DGKI: variants seen among roughly 807,000 people sequenced by gnomAD.
DGKI encodes DAG kinase iota.
A neutral mutation model predicts 147.5 loss-of-function variants in DGKI; 55 were observed. The ratio of observed to expected loss-of-function variants is 0.37; its 90% CI spans 0.30 to 0.47. The LOEUF is 0.47. Ranked by LOEUF, DGKI falls within the 20% of genes least tolerant of loss-of-function variation. The pLI is 1.00. For synonymous variants in DGKI, 469 were observed against 477.1 expected (o/e 0.98, Z 0.22); for missense variants, 1,007 against 1,323.8 (o/e 0.76, Z 3.71).
At chr7:137,845,133 C>T (rs1344480015) in intron 1 of DGKI, among the ~76,000 whole-genome samples, 2 of 152,214 alleles carry the variant, frequency 1.3e-5, no homozygotes, top group South Asian at 2.1e-4. Context: ...ACTCCCTCAG[C>T]GCACAGCGAA....
chr7:137,550,750 A>G (rs1258641449), intron 20 of DGKI, among the ~76,000 whole-genome samples: 1 of 152,216 alleles, frequency 6.6e-6, no homozygotes, highest in East Asian at 1.9e-4. Context: ...CAGCAGGTCT[A>G]AGACTGTGAG....
intron 32 of DGKI, among the ~76,000 whole-genome samples, chr7:137,391,857 T>A (rs1811377673): frequency 6.6e-6 from 1 of 152,238 alleles, no homozygotes; most frequent in Non-Finnish European, 1.5e-5. Flanking sequence ...TTTATTGGTT[T>A]CAGACTTGGG....
chr7:137,395,515 T>C, intron 32 of DGKI, 83 bp downstream of exon 32: 4 of 1,294,128 alleles, frequency 3.1e-6, no homozygotes, highest in Non-Finnish European at 4.5e-6. Flanking sequence ...AGAAAGGATG[T>C]CCGTGCTATG....
At chr7:137,724,835 T>C (rs750244245) in intron 1 of DGKI, among the ~76,000 whole-genome samples, 1 of 152,038 alleles carries the variant, frequency 6.6e-6, no homozygotes, top group Non-Finnish European at 1.5e-5. Context: ...ATATAAATGG[T>C]ATATAAAGTT....
In DGKI at chr7:137,484,887, A is replaced by G. The variant is rs112590296; in HGVS notation, c.2373+487T>C. On this transcript the variant is annotated intron_variant, in intron 23 of 32. Transcript: ENST00000614521. ...AATTCTCTTTTTCAGGAGATGATGG[A>G]AAAAAACATAGTCCTGGTTGCTAAT... is the stretch of plus-strand genomic sequence containing the variant. Among the ~76,000 whole-genome samples the G allele has an allele frequency of 2.0e-5, 3 of 152,120 alleles. No homozygotes were observed. The East Asian group carries it at 5.8e-4, about 29-fold the overall frequency.
intron 1 of DGKI, among the ~76,000 whole-genome samples, chr7:137,736,831 A>G (rs1411265771): frequency 1.3e-5 from 2 of 152,108 alleles, no homozygotes; most frequent in African/African-American, 2.4e-5. Context: ...TTAGATACAG[A>G]ACCATGATTA....
At chr7:137,650,931 A>G (rs1169317385) in intron 5 of DGKI, among the ~76,000 whole-genome samples, 3 of 152,194 alleles carry the variant, frequency 2.0e-5, no homozygotes, top group Non-Finnish European at 4.4e-5. Flanking sequence ...GGTGGGGAAT[A>G]TCTTGGTATA....
At chr7:137,687,169 C>T (rs1823446583) in intron 2 of DGKI, among the ~76,000 whole-genome samples, 1 of 152,284 alleles carries the variant, frequency 6.6e-6, no homozygotes, top group South Asian at 2.1e-4. Flanking sequence ...TGGACCCCAT[C>T]TGCCACTGTG....
chr7:137,638,624 ATATATGTGTG>A (rs1563125961), intron 6 of DGKI, among the ~76,000 whole-genome samples: 1 of 2,306 alleles, frequency 4.3e-4, no homozygotes, highest in Non-Finnish European at 1.5e-3. Flanking sequence ...ACACACACAT[ATATATGTGTG>A]TATATATGTG....
At chr7:137,643,602 A>C (rs1207023513) in intron 6 of DGKI, among the ~76,000 whole-genome samples, 1 of 152,194 alleles carries the variant, frequency 6.6e-6, no homozygotes, top group Non-Finnish European at 1.5e-5. Context: ...TGATGTGACA[A>C]GCTGGATCAC....
At chr7:137,542,180 G>A (rs1196775389) in intron 20 of DGKI, among the ~76,000 whole-genome samples, 1 of 152,178 alleles carries the variant, frequency 6.6e-6, no homozygotes. Flanking sequence ...ATGCAAAATG[G>A]TGCGACCATT....
At chr7:137,430,753 T>A (rs1813038392) in intron 28 of DGKI, among the ~76,000 whole-genome samples, 1 of 152,050 alleles carries the variant, frequency 6.6e-6, no homozygotes, top group Non-Finnish European at 1.5e-5. Context: ...TACAGATTTC[T>A]ATAGAGAACA....
chr7:137,825,171 T>C (rs1798019154), intron 1 of DGKI, among the ~76,000 whole-genome samples: 1 of 152,230 alleles, frequency 6.6e-6, no homozygotes, highest in South Asian at 2.1e-4. Flanking sequence ...AGCTATGCCT[T>C]AAGTCTTGCT....
intron 1 of DGKI, among the ~76,000 whole-genome samples, chr7:137,815,662 G>A (rs1393529418): frequency 6.6e-6 from 1 of 152,176 alleles, no homozygotes; most frequent in Non-Finnish European, 1.5e-5. Flanking sequence ...TAGGCCTGTG[G>A]AAGTTTACGG....
intron 8 of DGKI, among the ~76,000 whole-genome samples, chr7:137,615,531 ATGTGTGTGTGTG>A (rs5887846): frequency 1.4e-4 from 19 of 135,760 alleles, no homozygotes; most frequent in Non-Finnish European, 2.3e-4. Flanking sequence ...ATATGTATGT[ATGTGTGTGTGTG>A]TGTGTGTGTG....
At chr7:137,695,549 A>G (rs1823752849) in intron 1 of DGKI, among the ~76,000 whole-genome samples, 1 of 152,200 alleles carries the variant, frequency 6.6e-6, no homozygotes, top group African/African-American at 2.4e-5. Flanking sequence ...GATGTTCTCC[A>G]TGGAGCTTAT....
chr7:137,654,668 A>G, intron 5 of DGKI, 64 bp downstream of exon 5: 1 of 1,168,248 alleles, frequency 8.6e-7, no homozygotes, highest in Non-Finnish European at 1.3e-6. Context: ...GTGAATATCT[A>G]TGAATCCACT....
intron 21 of DGKI, among the ~76,000 whole-genome samples, chr7:137,495,582 C>A (rs550870063): frequency 5.3e-5 from 8 of 150,796 alleles, no homozygotes; most frequent in African/African-American, 1.9e-4. Context: ...CAAACCAAAT[C>A]CAGCAACACA....
chr7:137,775,856 TC>T (rs929883098), intron 1 of DGKI, among the ~76,000 whole-genome samples: 52 of 152,234 alleles, frequency 3.4e-4, no homozygotes, highest in Admixed American at 2.9e-3. Context: ...AAAAGTATAT[TC>T]TTTTTTTTTT....
Sources: allele counts gnomAD v4.1 joint callset (sites outside exome capture counted in the v4.1 genomes callset), GRCh38; gene constraint gnomAD v4.1.1; transcripts MANE v1.5; gene names NCBI Gene and HGNC (gene_info 2026-07-23, HGNC 2026-07-21).